DNAH14: variants seen among roughly 807,000 people sequenced by gnomAD.
DNAH14 encodes the protein dynein axonemal heavy chain 14.
In DNAH14, 478 loss-of-function variants were observed where a neutral mutation model predicts 520.9. The ratio of observed to expected loss-of-function variants is 0.92; its 90% CI spans 0.85 to 0.99. DNAH14 has a LOEUF of 0.99. Among genes scored for constraint, DNAH14 ranks in the 50% least tolerant of loss-of-function variants. The pLI is 0.00. For synonymous variants in DNAH14, 1,581 were observed against 1,757.2 expected (o/e 0.90, Z 2.51); for missense variants, 4,831 against 5,234.5 (o/e 0.92, Z 2.38).
rs893803798 is a variant in DNAH14 at position 225,258,982 on chromosome 1, A to AT, written c.7025-132dup. 2.2e-5 allele frequency: 20 copies of AT among 892,548 alleles called. No individual in the cohort carries two copies. The African/African-American group carries it at 3.0e-4, about 13-fold the overall frequency. 55.3% of individuals were successfully genotyped at this position (892,548 alleles called of 1,614,324 possible). On this transcript the variant is annotated intron_variant, in intron 45 of 85. Coordinates refer to ENST00000682510, the MANE Select transcript of DNAH14 (RefSeq NM_001367479.1). ...TCCTCATTTAACCACTCTTAACCAC[A>AT]TTTTTTTAAAAGGGAAGAACAAAAA...
intron 57 of DNAH14, among the ~76,000 whole-genome samples, chr1:225,303,695 T>C (rs1226323738): frequency 6.6e-6 from 1 of 152,064 alleles, no homozygotes; most frequent in Non-Finnish European, 1.5e-5. Flanking sequence ...TCCTTGTAAA[T>C]TGCTCTGGCT....
At chr1:225,021,246 G>A (rs1174583216) in intron 10 of DNAH14, among the ~76,000 whole-genome samples, 1 of 152,044 alleles carries the variant, frequency 6.6e-6, no homozygotes, top group East Asian at 1.9e-4. Flanking sequence ...AACAAGAGAA[G>A]GATGCCAACT....
At chr1:225,247,231 T>G (rs2092334401) in intron 43 of DNAH14, among the ~76,000 whole-genome samples, 1 of 148,260 alleles carries the variant, frequency 6.7e-6, no homozygotes, top group Admixed American at 6.7e-5. Flanking sequence ...TGTTGCGGGG[T>G]GGGGGCAAGG....
chr1:225,037,131 G>C (rs2067042262), intron 11 of DNAH14, among the ~76,000 whole-genome samples: 1 of 152,106 alleles, frequency 6.6e-6, no homozygotes, highest in African/African-American at 2.4e-5. Flanking sequence ...AGTGTTTCTT[G>C]TAGGCAACAG....
At chr1:225,011,409 T>C (rs1282881683) in intron 10 of DNAH14, among the ~76,000 whole-genome samples, 3 of 152,150 alleles carry the variant, frequency 2.0e-5, no homozygotes, top group Non-Finnish European at 4.4e-5. Context: ...GAATGTGTAT[T>C]CTGTTGATTT....
At chr1:225,301,594 A>C (rs1395603888) in intron 56 of DNAH14, among the ~76,000 whole-genome samples, 1 of 152,216 alleles carries the variant, frequency 6.6e-6, no homozygotes, top group Admixed American at 6.5e-5. Flanking sequence ...TCTTTGAGAC[A>C]TGATGACCGA....
intron 66 of DNAH14, among the ~76,000 whole-genome samples, chr1:225,334,791 C>A (rs541140606): frequency 1.3e-5 from 2 of 151,616 alleles, no homozygotes; most frequent in Non-Finnish European, 2.9e-5. Context: ...ATCGCTTGAG[C>A]CCAGGAGGTC....
chr1:225,107,777 C>T (rs928448651), intron 23 of DNAH14, among the ~76,000 whole-genome samples: 8 of 152,156 alleles, frequency 5.3e-5, no homozygotes, highest in African/African-American at 1.9e-4. Context: ...CAAGGGTTCC[C>T]TTTTCTCCAT....
chr1:225,183,583 T>C (rs2084305745), intron 36 of DNAH14, among the ~76,000 whole-genome samples: 1 of 150,230 alleles, frequency 6.7e-6, no homozygotes, highest in Admixed American at 6.6e-5. Context: ...CTGAAGAAAA[T>C]TGAGAGATTG....
At chr1:225,183,995 C>A (rs1001990051) in intron 36 of DNAH14, among the ~76,000 whole-genome samples, 4 of 151,640 alleles carry the variant, frequency 2.6e-5, no homozygotes, top group African/African-American at 9.7e-5. Context: ...ACCAGATGTA[C>A]AAAGAAGAGT....
At chr1:225,009,020 AT>A (rs1413887722) in intron 10 of DNAH14, among the ~76,000 whole-genome samples, 2 of 151,198 alleles carry the variant, frequency 1.3e-5, no homozygotes, top group East Asian at 4.0e-4. Context: ...CCTTTGTCAG[AT>A]GGATAGATTG....
intron 53 of DNAH14, 146 bp from the exon 54 acceptor site, chr1:225,277,264 A>G: frequency 2.9e-6 from 1 of 341,160 alleles, no homozygotes; most frequent in African/African-American, 2.2e-5. Flanking sequence ...CTTTCCCTAA[A>G]TGTTAATGAT....
chr1:225,249,752 C>A (rs2092461727), intron 43 of DNAH14, among the ~76,000 whole-genome samples: 1 of 152,160 alleles, frequency 6.6e-6, no homozygotes, highest in African/African-American at 2.4e-5. Context: ...TACAGTTAAT[C>A]CTTATTCCCA....
intron 23 of DNAH14, 21 bp from the exon 24 acceptor site, chr1:225,117,663 A>C (rs1164559835): frequency 7.7e-6 from 11 of 1,423,236 alleles, no homozygotes; most frequent in African/African-American, 1.4e-5. Context: ...TCTGAATTGC[A>C]TTTCTTTTGA....
chr1:224,943,203 G>T (rs539995689), intron 1 of DNAH14, among the ~76,000 whole-genome samples: 1 of 152,206 alleles, frequency 6.6e-6, no homozygotes, highest in African/African-American at 2.4e-5. Flanking sequence ...CCTATTCAGA[G>T]ATTCAACTTC....
intron 71 of DNAH14, among the ~76,000 whole-genome samples, chr1:225,347,408 C>A (rs901931390): frequency 6.6e-6 from 1 of 152,130 alleles, no homozygotes; most frequent in Admixed American, 6.6e-5. Flanking sequence ...CATGCCTCCC[C>A]CTCTTTGTGG....
chr1:225,287,725 A>AATT lies in DNAH14; in HGVS notation c.8272-2160_8272-2159insATT, dbSNP rs1365932675. ...CCATTCTCCAATAAAAGGAACCAGGACTCCTTGGGAAAATTGCTGATTATA... is the reference window on the plus strand; with the variant it reads ...CCATTCTCCAATAAAAGGAACCAGGAATTCTCCTTGGGAAAATTGCTGATTATA... On this transcript the variant is annotated intron_variant, in intron 54 of 85. Coordinates refer to ENST00000682510, the MANE Select transcript of DNAH14 (RefSeq NM_001367479.1). Among the ~76,000 whole-genome samples the AATT allele has an allele frequency of 7.0e-4, 107 of 152,080 alleles. 1 individual carries two copies. The highest frequency in any genetic ancestry group is 2.5e-3 in the African/African-American group (104 of 41,502).
chr1:225,038,020 A>G lies in DNAH14; in HGVS notation c.1359-674A>G, dbSNP rs546678856. Among the ~76,000 whole-genome samples the G allele has an allele frequency of 2.2e-3, 341 of 152,238 alleles. 3 individuals are homozygous for G. The highest frequency in any genetic ancestry group is 7.9e-3 in the African/African-American group (329 of 41,550). ...TGTGTTTTTATGTGTACTTACTGTT[A>G]CCAGTGAGTTTTGTGCCTTCAGATG... On this transcript the variant is annotated intron_variant, in intron 11 of 85. Transcript: ENST00000682510.
At chr1:225,398,906 A>G in intron 85 of DNAH14, 148 bp from the exon 86 acceptor site, 1 of 834,454 alleles carries the variant, frequency 1.2e-6, no homozygotes, top group Non-Finnish European at 1.8e-6. Context: ...TTCTCCAGGT[A>G]TAATTTCCAC....
Sources: gnomAD v4.1 joint callset for allele counts (sites outside exome capture counted in the v4.1 genomes callset) on GRCh38, gnomAD v4.1.1 for gene constraint, MANE v1.5 for transcripts, NCBI Gene and HGNC (gene_info 2026-07-23, HGNC 2026-07-21) for gene names.